The following PIK3CB variants were observed in gnomAD, a reference collection of about 807,000 sequenced individuals.
PIK3CB encodes phosphatidylinositol 4,5-bisphosphate 3-kinase catalytic subunit beta isoform.
In PIK3CB, 39 loss-of-function variants were observed where a neutral mutation model predicts 136.8. That is an observed-to-expected ratio of 0.29 (90% CI 0.22 to 0.37). The LOEUF (loss-of-function observed/expected upper bound fraction) is 0.37. Among genes scored for constraint, PIK3CB ranks in the 10% least tolerant of loss-of-function variants. The probability of loss-of-function intolerance (pLI) is 1.00; values close to 1 mark genes in which losing one functional copy is unlikely to be tolerated. For missense variants in PIK3CB, 868 were observed against 1,275.4 expected, an observed-to-expected ratio of 0.68 and a Z score of 4.87; for synonymous variants, 428 against 436.6, an observed-to-expected ratio of 0.98 and a Z score of 0.25.
chr3:138,788,394 C>A (rs1047846711), intron 2 of PIK3CB, among the ~76,000 whole-genome samples: 2 of 152,160 alleles, frequency 1.3e-5, no homozygotes, highest in Middle Eastern at 3.4e-3. Context: ...CAGTGGCTCA[C>A]GCCTGTAATC....
rs1332337407 is a variant in PIK3CB, at chr3:138,657,719, T to C, written c.2913A>G (p.Gly971=). ...TYDFIHVIQQ[G]KTGNTEKFGR... ...CAAACTTTTCTGTATTTCCTGTTTT[T>C]CCTTGTTGAATGACATGGATGAAAT... is the stretch of plus-strand genomic sequence containing the variant. Residue 971 remains glycine (G), a synonymous_variant, in exon 22 of 24, where the codon GGA becomes GGG. Transcript: ENST00000674063. The C allele has an allele frequency of 1.2e-6, 2 of 1,613,934 alleles. No individual in the cohort carries two copies. Among genetic ancestry groups the C allele is most frequent in the Admixed American group, 1.7e-5 (1 of 59,998 alleles).
chr3:138,762,995 T>C (rs553663989), intron 2 of PIK3CB, among the ~76,000 whole-genome samples: 1 of 151,922 alleles, frequency 6.6e-6, no homozygotes, highest in Non-Finnish European at 1.5e-5. Flanking sequence ...AATATATATA[T>C]ATACTTTGCT....
At chr3:138,748,111 T>C (rs993647948) in intron 4 of PIK3CB, among the ~76,000 whole-genome samples, 1 of 151,700 alleles carries the variant, frequency 6.6e-6, no homozygotes, top group African/African-American at 2.4e-5. Flanking sequence ...ACTACATTAA[T>C]ATGAACTTTT....
chr3:138,768,422 G>A (rs1197044594), intron 2 of PIK3CB, among the ~76,000 whole-genome samples: 1 of 152,228 alleles, frequency 6.6e-6, no homozygotes, highest in Admixed American at 6.5e-5. Context: ...TGAGCCTGGG[G>A]CTTTTATGGG....
chr3:138,730,084 T>G (rs2044937378), intron 8 of PIK3CB, among the ~76,000 whole-genome samples: 1 of 152,180 alleles, frequency 6.6e-6, no homozygotes, highest in Non-Finnish European at 1.5e-5. Context: ...TTACATTTAA[T>G]GTACTCAAAT....
intron 4 of PIK3CB, among the ~76,000 whole-genome samples, chr3:138,749,830 T>C (rs1408423795): frequency 1.3e-5 from 2 of 152,248 alleles, no homozygotes; most frequent in Admixed American, 6.5e-5. Context: ...TTTTCATTAA[T>C]TGGCAAATAA....
At chr3:138,757,649 A>AGGGGAAGGGAGGAGG (rs2045596421) in intron 3 of PIK3CB, among the ~76,000 whole-genome samples, 1 of 122,060 alleles carries the variant, frequency 8.2e-6, no homozygotes, top group Non-Finnish European at 1.6e-5. Flanking sequence ...AAGGGAGGAG[A>AGGGGAAGGGAGGAGG]GGGAGAGGAA....
intron 2 of PIK3CB, among the ~76,000 whole-genome samples, chr3:138,776,611 G>A (rs992748968): frequency 1.3e-5 from 2 of 152,062 alleles, no homozygotes; most frequent in African/African-American, 2.4e-5. Flanking sequence ...AGGGACGATC[G>A]CCTGAGCCTG....
intron 19 of PIK3CB, among the ~76,000 whole-genome samples, chr3:138,680,696 T>C (rs1312769180): frequency 6.6e-6 from 1 of 152,134 alleles, no homozygotes; most frequent in Non-Finnish European, 1.5e-5. Context: ...TTTTTTTTTT[T>C]TAATTTTTTG....
intron 4 of PIK3CB, among the ~76,000 whole-genome samples, chr3:138,749,559 T>C (rs191802975): frequency 9.8e-5 from 15 of 152,332 alleles, no homozygotes; most frequent in African/African-American, 3.4e-4. Flanking sequence ...GATGGCACTG[T>C]ATGCTCTGCA....
chr3:138,655,553 T>C, intron 23 of PIK3CB, 27 bp from the exon 24 acceptor site: 1 of 1,573,276 alleles, frequency 6.4e-7, no homozygotes, highest in Non-Finnish European at 8.7e-7. Flanking sequence ...AAAATATGAT[T>C]TTATATAACT....
intron 12 of PIK3CB, among the ~76,000 whole-genome samples, chr3:138,700,057 A>C (rs1304990181): frequency 3.9e-5 from 6 of 151,936 alleles, no homozygotes; most frequent in African/African-American, 1.2e-4. Context: ...AATAGAAATT[A>C]AAAAAAAATT....
intron 4 of PIK3CB, among the ~76,000 whole-genome samples, chr3:138,750,208 G>A (rs915459271): frequency 3.3e-5 from 5 of 152,130 alleles, no homozygotes; most frequent in African/African-American, 1.2e-4. Flanking sequence ...TGTATACATT[G>A]TGGAATGATC....
chr3:138,708,197 G>A (rs958379267), intron 10 of PIK3CB, among the ~76,000 whole-genome samples: 1 of 150,460 alleles, frequency 6.6e-6, no homozygotes, highest in Non-Finnish European at 1.5e-5. Flanking sequence ...ACAAGTTTTC[G>A]TTCCTTAATT....
chr3:138,795,932 T>C (rs1189724043), intron 2 of PIK3CB, among the ~76,000 whole-genome samples: 1 of 152,204 alleles, frequency 6.6e-6, no homozygotes, highest in Non-Finnish European at 1.5e-5. Context: ...AACTAACCTG[T>C]CTAAAGAGCT....
chr3:138,713,080 C>G (rs2044538022), intron 9 of PIK3CB, among the ~76,000 whole-genome samples: 1 of 151,790 alleles, frequency 6.6e-6, no homozygotes, highest in Non-Finnish European at 1.5e-5. Context: ...ATCTTATAAT[C>G]AAACACTTTG....
In PIK3CB at chr3:138,817,270, C is replaced by T. The variant is rs1362081175; in HGVS notation, c.-122+17425G>A. Reference sequence around the variant, plus strand: ...GGAGAATGGCATGAACCCCGGGGGGCGGAGCCTGCAGTGAGCCGAGATCGT... The same window carrying T: ...GGAGAATGGCATGAACCCCGGGGGGTGGAGCCTGCAGTGAGCCGAGATCGT... On this transcript the variant is annotated intron_variant, in intron 1 of 23. Transcript: ENST00000674063. Among the ~76,000 whole-genome samples the T allele has an allele frequency of 3.3e-5, 5 of 151,962 alleles. No individual in the cohort carries two copies. In the East Asian group the frequency reaches 7.8e-4, roughly 24 times the overall value.
intron 1 of PIK3CB, among the ~76,000 whole-genome samples, chr3:138,810,371 C>T (rs568214397): frequency 6.6e-6 from 1 of 152,148 alleles, no homozygotes; most frequent in Admixed American, 6.5e-5. Context: ...GAAAGAGTAA[C>T]TTTATAGCAG....
intron 19 of PIK3CB, among the ~76,000 whole-genome samples, chr3:138,677,495 AATAAT>A (rs1197515147): frequency 6.6e-6 from 1 of 152,256 alleles, no homozygotes; most frequent in African/African-American, 2.4e-5. Flanking sequence ...CACTGTAACG[AATAAT>A]ATAAGGAGTT....
Sources: gnomAD v4.1 joint callset for allele counts (sites outside exome capture counted in the v4.1 genomes callset) on GRCh38, gnomAD v4.1.1 for gene constraint, MANE v1.5 for transcripts, NCBI Gene and HGNC (gene_info 2026-07-23, HGNC 2026-07-21) for gene names.